Variants in RCHY1 observed in about 807,000 individuals in gnomAD.
RCHY1 encodes the protein ring finger and CHY zinc finger domain containing 1.
RCHY1 carries 21 observed loss-of-function variants against 41.6 expected under a neutral mutation model. The ratio of observed to expected loss-of-function variants is 0.51; its 90% CI spans 0.36 to 0.73. The LOEUF (loss-of-function observed/expected upper bound fraction) is 0.73, where lower values mean the gene tolerates loss of function less well. RCHY1 is among the 30% of genes least tolerant of loss of function. RCHY1 has a pLI of 0.00. For synonymous variants in RCHY1, 79 were observed against 102.9 expected, an observed-to-expected ratio of 0.77 and a Z score of 1.41; for missense variants, 265 against 325.3, an observed-to-expected ratio of 0.81 and a Z score of 1.43.
At chr4:75,496,495 C>A (rs1723222534) in intron 3 of RCHY1, among the ~76,000 whole-genome samples, 1 of 152,052 alleles carries the variant, frequency 6.6e-6, no homozygotes, top group Non-Finnish European at 1.5e-5. Context: ...AAGAAAACTA[C>A]CCAAAGCCAG....
At chr4:75,494,530 T>G in intron 3 of RCHY1, 1 of 200,994 alleles carries the variant, frequency 5.0e-6, no homozygotes, top group Non-Finnish European at 9.8e-6. Context: ...TTTATGTCTG[T>G]CTACACAGAA....
At chr4:75,498,890 T>A (rs533639530) in intron 3 of RCHY1, among the ~76,000 whole-genome samples, 16 of 152,244 alleles carry the variant, frequency 1.1e-4, no homozygotes, top group African/African-American at 3.9e-4. Context: ...CAAAGATTTT[T>A]TTGTGTAAGA....
At chr4:75,486,042 A>G (rs958351679) in intron 8 of RCHY1, among the ~76,000 whole-genome samples, 2 of 152,126 alleles carry the variant, frequency 1.3e-5, no homozygotes, top group Admixed American at 6.5e-5. Flanking sequence ...GTAGCTACAA[A>G]GCAGAATCAA....
chr4:75,511,305 C>T (rs1419831852), intron 1 of RCHY1, among the ~76,000 whole-genome samples: 2 of 152,178 alleles, frequency 1.3e-5, no homozygotes, highest in African/African-American at 4.8e-5. Flanking sequence ...AAGCTTCCAA[C>T]CTCACAAAAG....
At chr4:75,511,747 C>G (rs1414606939) in intron 1 of RCHY1, among the ~76,000 whole-genome samples, 2 of 150,698 alleles carry the variant, frequency 1.3e-5, no homozygotes, top group East Asian at 1.9e-4. Context: ...TGTCTTGATT[C>G]AAGCTAAGAT....
chr4:75,504,376 T>C (rs1724097944), intron 3 of RCHY1, among the ~76,000 whole-genome samples: 1 of 152,194 alleles, frequency 6.6e-6, no homozygotes, highest in South Asian at 2.1e-4. Flanking sequence ...TCTTCCTCCC[T>C]CTTTTCAGCC....
intron 8 of RCHY1, 139 bp downstream of exon 8, chr4:75,490,442 T>C (rs1255285058): frequency 7.3e-6 from 4 of 544,950 alleles, no homozygotes; most frequent in Non-Finnish European, 1.2e-5. Flanking sequence ...AATCATTTTG[T>C]GCTTTCCATT....
intron 3 of RCHY1, among the ~76,000 whole-genome samples, chr4:75,502,569 G>T (rs926919126): frequency 1.3e-5 from 2 of 152,042 alleles, no homozygotes; most frequent in African/African-American, 4.8e-5. Flanking sequence ...ATCTTCTAAA[G>T]AAGAAAATCT....
intron 3 of RCHY1, among the ~76,000 whole-genome samples, chr4:75,508,207 A>G (rs1724514997): frequency 6.6e-6 from 1 of 152,180 alleles, no homozygotes; most frequent in Non-Finnish European, 1.5e-5. Flanking sequence ...GGGCTTTGAC[A>G]GTATTGGTAA....
chr4:75,507,717 A>C (rs1470254543), intron 3 of RCHY1, among the ~76,000 whole-genome samples: 3 of 152,118 alleles, frequency 2.0e-5, no homozygotes, highest in African/African-American at 7.2e-5. Flanking sequence ...AGGAAACATT[A>C]CTAAAGATAA....
chr4:75,493,130 G>A (rs546146807), intron 4 of RCHY1, among the ~76,000 whole-genome samples: 2 of 151,976 alleles, frequency 1.3e-5, no homozygotes, highest in Admixed American at 1.3e-4. Context: ...ATCTCCATTA[G>A]CATAGCTTGC....
At chr4:75,497,654 T>C (rs960507226) in intron 3 of RCHY1, among the ~76,000 whole-genome samples, 22 of 152,004 alleles carry the variant, frequency 1.4e-4, no homozygotes, top group Non-Finnish European at 2.9e-4. Flanking sequence ...GTCTTAAGTT[T>C]TTCTTTTAAC....
At chr4:75,488,804 T>C (rs531254448) in intron 8 of RCHY1, among the ~76,000 whole-genome samples, 3 of 152,254 alleles carry the variant, frequency 2.0e-5, no homozygotes, top group Non-Finnish European at 4.4e-5. Context: ...CCAGGCAAGG[T>C]GGCTCATCAC....
chr4:75,487,564 TAA>T (rs1491557596), intron 8 of RCHY1, among the ~76,000 whole-genome samples: 2 of 94,596 alleles, frequency 2.1e-5, no homozygotes, highest in African/African-American at 1.1e-4. Flanking sequence ...AATATATTCA[TAA>T]TATATATATT....
At position 75,514,306 on chromosome 4, in the gene RCHY1, A is replaced by C. The variant is rs766392966; in HGVS notation, c.-20T>G. The C allele has an allele frequency of 6.2e-7, 1 of 1,604,550 alleles. No homozygotes were observed. The highest frequency in any genetic ancestry group is 8.5e-7 in the Non-Finnish European group (1 of 1,172,842). ...CGCCATCTCCTCCACCTCCCCTCAC[A>C]TTCCACCGATCCTTCCCCCAGGATA... On this transcript the variant is annotated 5_prime_UTR_variant, in exon 1 of 9. The change abolishes an upstream ATG in the 5' untranslated region. Coordinates refer to ENST00000324439, the MANE Select transcript of RCHY1 (RefSeq NM_015436.4).
At chr4:75,507,436 G>C (rs955740165) in intron 3 of RCHY1, among the ~76,000 whole-genome samples, 2 of 146,136 alleles carry the variant, frequency 1.4e-5, no homozygotes, top group African/African-American at 5.1e-5. Context: ...AGAAAGGAGA[G>C]GAAAAAAGAC....
rs142234827 is a variant in RCHY1, at chr4:75,488,653, A to G, written c.657+1928T>C. On this transcript the variant is annotated intron_variant, in intron 8 of 8. Coordinates refer to ENST00000324439, the MANE Select transcript of RCHY1 (RefSeq NM_015436.4). ...GTCAAATTACCTATAATAACCCTTCAGTTATCAGTGGTAGGCACCTAACCT... is the reference window on the plus strand; with the variant it reads ...GTCAAATTACCTATAATAACCCTTCGGTTATCAGTGGTAGGCACCTAACCT... Among the ~76,000 whole-genome samples the G allele has an allele frequency of 5.9e-5, 9 of 152,306 alleles. No individual in the cohort carries two copies. The East Asian group carries it at 1.7e-3, about 29-fold the overall frequency.
chr4:75,490,723 T>C (rs759143626), intron 7 of RCHY1, 22 bp from the exon 8 acceptor site: 7 of 1,579,906 alleles, frequency 4.4e-6, no homozygotes, highest in Non-Finnish European at 5.2e-6. Context: ...AGAAAGGTTA[T>C]TTTCCAAATA....
chr4:75,482,428 C>T lies in RCHY1; in HGVS notation c.*110G>A. The T allele has an allele frequency of 3.0e-6, 3 of 1,012,356 alleles. No individual in the cohort carries two copies. Among genetic ancestry groups the T allele is most frequent in the Non-Finnish European group, 2.8e-6 (2 of 725,306 alleles). 62.7% of individuals were successfully genotyped at this position (1,012,356 alleles called of 1,614,324 possible). ...ATGATTTTATGCTGTGACACTAGTACAAAACACATCAACTCTAATGCATAG... is the reference window on the plus strand; with the variant it reads ...ATGATTTTATGCTGTGACACTAGTATAAAACACATCAACTCTAATGCATAG... On this transcript the variant is annotated 3_prime_UTR_variant, in exon 9 of 9. Transcript: ENST00000324439.
Sources: gnomAD v4.1 joint callset for allele counts (sites outside exome capture counted in the v4.1 genomes callset) on GRCh38, gnomAD v4.1.1 for gene constraint, MANE v1.5 for transcripts, NCBI Gene and HGNC (gene_info 2026-07-23, HGNC 2026-07-21) for gene names.